The following HTD2 variants were observed in gnomAD, a reference collection of about 807,000 sequenced individuals.
The protein encoded by HTD2 is hydroxyacyl-thioester dehydratase type 2, mitochondrial.
Under a neutral mutation model 3.1 loss-of-function variants are expected in HTD2, and 1 was observed. That is an observed-to-expected ratio of 0.32 (90% CI 0.11 to 1.52). The LOEUF is 1.52. Among genes scored for constraint, HTD2 ranks in the 40% most tolerant of loss-of-function variants. HTD2 has a pLI of 0.39. For synonymous variants in HTD2, 50 were observed against 28.9 expected, an observed-to-expected ratio of 1.73 and a Z score of -2.34; for missense variants, 150 against 79.6, an observed-to-expected ratio of 1.88 and a Z score of -3.36.
At chr3:58,310,064 G>T (rs2097480422) in intron 1 of HTD2, 1 of 427,520 alleles carries the variant, frequency 2.3e-6, no homozygotes, top group East Asian at 3.9e-5. Context: ...GCTGGATGTG[G>T]TGGCACGTGC....
chr3:58,312,042 A>T (rs2097482793), intron 2 of HTD2, among the ~76,000 whole-genome samples: 1 of 149,728 alleles, frequency 6.7e-6, no homozygotes, highest in African/African-American at 2.5e-5. Context: ...CAATTTTTTT[A>T]CTTGTAGAGG....
chr3:58,310,326 A>C, intron 1 of HTD2, 181 bp from the exon 2 acceptor site: 1 of 1,614,066 alleles, frequency 6.2e-7, no homozygotes, highest in East Asian at 2.2e-5. Flanking sequence ...CAGCACTGGA[A>C]AAGATGCCTG....
At chr3:58,310,478 A>T in intron 1 of HTD2, 29 bp from the exon 2 acceptor site, 2 of 1,559,536 alleles carry the variant, frequency 1.3e-6, no homozygotes, top group Non-Finnish European at 8.7e-7. Flanking sequence ...GAAATTTAAT[A>T]TGACTTTTTT....
At chr3:58,316,492 T>TA in intron 2 of HTD2, 23 bp from the exon 3 acceptor site, 1 of 1,594,894 alleles carries the variant, frequency 6.3e-7, no homozygotes. Flanking sequence ...AATAGCCTGC[T>TA]AATAGCATTA....
chr3:58,314,243 C>G (rs575572880), intron 2 of HTD2, among the ~76,000 whole-genome samples: 4 of 152,072 alleles, frequency 2.6e-5, no homozygotes, highest in Admixed American at 6.6e-5. Flanking sequence ...CCCAGCTACT[C>G]GGGAGGTTAA....
Position 58,316,608 on chromosome 3 carries a change from G to A in HTD2, c.-254+17G>A, listed in dbSNP as rs551906402. The A allele has an allele frequency of 1.2e-6, 2 of 1,600,364 alleles. 1 individual carries two copies. Among genetic ancestry groups the A allele is most frequent in the South Asian group, 2.2e-5 (2 of 90,746 alleles). Reference sequence around the variant, plus strand: ...ATGTAGCAGGTATGACAGAGAGTGGGAAATTTCTAGTATAACAGGGCAGAG... The same window carrying A: ...ATGTAGCAGGTATGACAGAGAGTGGAAAATTTCTAGTATAACAGGGCAGAG... On this transcript the variant is annotated intron_variant, in intron 3 of 4. Coordinates refer to ENST00000461393, the MANE Select transcript of HTD2 (RefSeq NM_001348712.2).
rs144368271 is a variant in HTD2, at chr3:58,311,407, G to C, written c.-331+816G>C. Reference sequence around the variant, plus strand: ...TGACCTCAGGTGATCCACGCGCCTTGGGCTCCCAAAGTGCTGGATTACAGG... The same window carrying C: ...TGACCTCAGGTGATCCACGCGCCTTCGGCTCCCAAAGTGCTGGATTACAGG... On this transcript the variant is annotated intron_variant, in intron 2 of 4. Coordinates refer to ENST00000461393, the MANE Select transcript of HTD2 (RefSeq NM_001348712.2). Among the ~76,000 whole-genome samples the C allele has an allele frequency of 5.3e-5, 8 of 152,264 alleles. No homozygotes were observed. The South Asian group carries it at 1.7e-3, about 32-fold the overall frequency.
At chr3:58,313,230 G>T (rs1271436064) in intron 2 of HTD2, among the ~76,000 whole-genome samples, 1 of 152,158 alleles carries the variant, frequency 6.6e-6, no homozygotes. Context: ...CTGCACTCCA[G>T]CCTGGGCGAC....
intron 2 of HTD2, among the ~76,000 whole-genome samples, chr3:58,313,684 G>GT (rs1168071918): frequency 2.0e-5 from 3 of 152,210 alleles, no homozygotes; most frequent in Admixed American, 6.5e-5. Context: ...ATTGAGCTGG[G>GT]TGTGGTGGTG....
intron 2 of HTD2, among the ~76,000 whole-genome samples, chr3:58,314,537 C>T (rs1298567903): frequency 2.0e-5 from 3 of 151,944 alleles, no homozygotes; most frequent in Non-Finnish European, 4.4e-5. Context: ...AATGAGATAC[C>T]ACTGTGTACC....
intron 1 of HTD2, among the ~76,000 whole-genome samples, chr3:58,307,319 A>T (rs1374225411): frequency 6.6e-6 from 1 of 152,212 alleles, no homozygotes; most frequent in Non-Finnish European, 1.5e-5. Flanking sequence ...GCTTGAGTAG[A>T]TGTTAATAGA....
At position 58,306,561 on chromosome 3, in the gene HTD2, C is replaced by G. The variant is rs980787962; in HGVS notation, c.-506C>G. The G allele has an allele frequency of 1.8e-4, 27 of 152,200 alleles. No individual in the cohort carries two copies. Among genetic ancestry groups the G allele is most frequent in the African/African-American group, 6.5e-4 (27 of 41,438 alleles). The allele number at this position is 152,200 out of a possible 1,614,324, so 9.4% of individuals were successfully genotyped here. The stretch of plus-strand genomic sequence containing the variant: ...GGCGCTGAGGGCCTCTGTACGGCGC[C>G]GCGTAGGGTCTCGGCCGCAGAACGT... On this transcript the variant is annotated 5_prime_UTR_variant, in exon 1 of 5. Coordinates refer to ENST00000461393, the MANE Select transcript of HTD2 (RefSeq NM_001348712.2).
rs962301155 is a variant in HTD2, at chr3:58,319,108, G to A, written c.*988G>A. The A allele has an allele frequency of 6.6e-6, 1 of 152,162 alleles. No individual in the cohort carries two copies. The highest frequency in any genetic ancestry group is 1.5e-5 in the Non-Finnish European group (1 of 68,028). 9.4% of individuals were successfully genotyped at this position (152,162 alleles called of 1,614,324 possible). On this transcript the variant is annotated 3_prime_UTR_variant, in exon 5 of 5. Coordinates refer to ENST00000461393, the MANE Select transcript of HTD2 (RefSeq NM_001348712.2). Reference sequence around the variant, plus strand: ...CAGCTTGTCACTGTATTTTAACTGTGTAACAATTATTGAAGGCGAAAATAG... The same window carrying A: ...CAGCTTGTCACTGTATTTTAACTGTATAACAATTATTGAAGGCGAAAATAG...
rs35853424 is a variant in HTD2, at chr3:58,312,960, C to CAA, written c.-331+2388_-331+2389dup. Among the ~76,000 whole-genome samples, 716 of 78,890 alleles carry CAA rather than the reference C, an allele frequency of 9.1e-3. 12 individuals are homozygous for CAA. Among genetic ancestry groups the CAA allele is most frequent in the African/African-American group, 0.024 (461 of 19,574 alleles). The allele number at this position is 78,890 out of a possible 152,430, so 51.8% of individuals were successfully genotyped here. On this transcript the variant is annotated intron_variant, in intron 2 of 4. Transcript: ENST00000461393. The stretch of plus-strand genomic sequence containing the variant: ...TGGGCAACAGAGCAAGACTCTGTCT[C>CAA]AAAAAAAAAAAAAAAAAAAAGGGCT...
intron 2 of HTD2, among the ~76,000 whole-genome samples, chr3:58,310,960 A>G (rs549878934): frequency 2.5e-3 from 176 of 69,470 alleles, no homozygotes; most frequent in African/African-American, 0.013. Flanking sequence ...ATGCTTTTCA[A>G]ACATCAAAAA....
At chr3:58,313,833 A>G (rs997748149) in intron 2 of HTD2, among the ~76,000 whole-genome samples, 1 of 152,180 alleles carries the variant, frequency 6.6e-6, no homozygotes, top group Non-Finnish European at 1.5e-5. Context: ...TGAATTACAC[A>G]CTGGGGGAAA....
At chr3:58,315,269 G>A (rs1439634514) in intron 2 of HTD2, among the ~76,000 whole-genome samples, 2 of 151,404 alleles carry the variant, frequency 1.3e-5, no homozygotes, top group African/African-American at 4.9e-5. Flanking sequence ...TATGCTGAGC[G>A]AAAAAAAGCC....
chr3:58,316,496 A>G lies in HTD2; in HGVS notation c.-330-19A>G, dbSNP rs907614857. 1 of 1,599,226 alleles carries G rather than the reference A, an allele frequency of 6.3e-7. No individual in the cohort carries two copies. The highest frequency in any genetic ancestry group is 1.3e-5 in the African/African-American group (1 of 74,636). On this transcript the variant is annotated intron_variant, in intron 2 of 4. Transcript: ENST00000461393. ...ATAATGGTGAGAATAGCCTGCTAAT[A>G]GCATTATTCCATATGCAGGTTGATG...
chr3:58,308,464 GTT>G (rs76792725), intron 1 of HTD2, among the ~76,000 whole-genome samples: 2 of 146,930 alleles, frequency 1.4e-5, no homozygotes, highest in Admixed American at 6.8e-5. Context: ...AAGTTTTTTT[GTT>G]TTTTTTTTTA....
Sources: gnomAD v4.1 joint callset for allele counts (sites outside exome capture counted in the v4.1 genomes callset) on GRCh38, gnomAD v4.1.1 for gene constraint, MANE v1.5 for transcripts, NCBI Gene and HGNC (gene_info 2026-07-23, HGNC 2026-07-21) for gene names.